The following LRRC53 variants were observed in gnomAD, a reference collection of about 807,000 sequenced individuals.
The protein encoded by LRRC53 is leucine rich repeat containing 53.
Under a neutral mutation model 13.6 loss-of-function variants are expected in LRRC53, and 25 were observed. The observed-to-expected ratio is 1.83, with a 90% CI of 1.34 to 2.56. The LOEUF is 2.56. LRRC53 is among the 30% of genes most tolerant of loss of function. The probability of loss-of-function intolerance (pLI) is 0.00; values close to 1 mark genes in which losing one functional copy is unlikely to be tolerated. For synonymous variants in LRRC53, 204 were observed against 109.8 expected, an observed-to-expected ratio of 1.86 and a Z score of -5.37; for missense variants, 527 against 275.8, an observed-to-expected ratio of 1.91 and a Z score of -6.45.
chr1:74,511,998 G>A (rs1311031083), intron 1 of LRRC53, among the ~76,000 whole-genome samples: 1 of 152,174 alleles, frequency 6.6e-6, no homozygotes, highest in African/African-American at 2.4e-5. Context: ...CAGTACCCAA[G>A]GAAAATCGGA....
At chr1:74,500,009 C>T (rs1005109031) in intron 1 of LRRC53, among the ~76,000 whole-genome samples, 2 of 151,750 alleles carry the variant, frequency 1.3e-5, no homozygotes, top group Non-Finnish European at 2.9e-5. Context: ...TGAATATGAG[C>T]TATATTTCTA....
the LRRC53 span, among the ~76,000 whole-genome samples, chr1:74,519,573 T>C: frequency 2.6e-5 from 4 of 152,178 alleles, 1 homozygote; most frequent in East Asian, 7.7e-4. Flanking sequence ...ATGATTGCCT[T>C]ACTTTAAAAG....
intron 1 of LRRC53, among the ~76,000 whole-genome samples, chr1:74,499,516 TAA>T (rs1323615347): frequency 6.6e-6 from 1 of 152,200 alleles, no homozygotes; most frequent in African/African-American, 2.4e-5. Context: ...GCCTAATTTA[TAA>T]GTTAAATTTT....
intron 4 of LRRC53, among the ~76,000 whole-genome samples, chr1:74,472,421 G>T (rs1050363981): frequency 1.3e-5 from 2 of 152,162 alleles, no homozygotes; most frequent in Admixed American, 1.3e-4. Flanking sequence ...CAGTTGCGAT[G>T]CTGACTTAAA....
intron 1 of LRRC53, among the ~76,000 whole-genome samples, chr1:74,497,885 C>T (rs116122259): frequency 1.8e-3 from 268 of 152,270 alleles, no homozygotes; most frequent in African/African-American, 5.6e-3. Flanking sequence ...CAGTGATACA[C>T]GTTTTCATCA....
intron 1 of LRRC53, among the ~76,000 whole-genome samples, chr1:74,486,519 T>G (rs1055384442): frequency 1.3e-5 from 2 of 150,694 alleles, no homozygotes; most frequent in African/African-American, 4.9e-5. Context: ...TTTTTTTTTT[T>G]TGCCTCTGCA....
At chr1:74,506,992 A>G (rs1030543379) in intron 1 of LRRC53, among the ~76,000 whole-genome samples, 2 of 152,190 alleles carry the variant, frequency 1.3e-5, no homozygotes, top group South Asian at 2.1e-4. Flanking sequence ...ATAATTTCAT[A>G]TCTGTAATAC....
intron 1 of LRRC53, among the ~76,000 whole-genome samples, chr1:74,502,582 A>G (rs1669687459): frequency 6.6e-6 from 1 of 152,192 alleles, no homozygotes; most frequent in Admixed American, 6.5e-5. Context: ...TTGGGCTTTG[A>G]AGAGAATCAG....
the LRRC53 span, among the ~76,000 whole-genome samples, chr1:74,524,669 C>CAGTAAAT: frequency 6.6e-6 from 1 of 151,316 alleles, no homozygotes; most frequent in South Asian, 2.1e-4. Context: ...GGAGATACAG[C>CAGTAAAT]AGCAAATAAA....
the LRRC53 span, among the ~76,000 whole-genome samples, chr1:74,524,234 AAG>A: frequency 6.6e-6 from 1 of 152,216 alleles, no homozygotes; most frequent in African/African-American, 2.4e-5. Flanking sequence ...AGGCATTCTG[AAG>A]AGTCTGTTGG....
intron 4 of LRRC53, among the ~76,000 whole-genome samples, chr1:74,474,358 A>G (rs1489367667): frequency 6.6e-6 from 1 of 152,180 alleles, no homozygotes; most frequent in Non-Finnish European, 1.5e-5. Flanking sequence ...CAACCCCCAG[A>G]CACTGGTAAG....
intron 1 of LRRC53, among the ~76,000 whole-genome samples, chr1:74,483,727 A>C (rs1394208695): frequency 6.6e-6 from 1 of 152,212 alleles, no homozygotes; most frequent in Non-Finnish European, 1.5e-5. Context: ...CTAAAGAAAC[A>C]GCTCAGGATG....
At chr1:74,472,936 A>C (rs140632408) in intron 4 of LRRC53, among the ~76,000 whole-genome samples, 250 of 152,142 alleles carry the variant, frequency 1.6e-3, no homozygotes, top group African/African-American at 5.7e-3. Flanking sequence ...TCATTTACTA[A>C]AGGAAAATAG....
the LRRC53 span, among the ~76,000 whole-genome samples, chr1:74,530,650 T>C: frequency 6.6e-6 from 1 of 152,010 alleles, no homozygotes; most frequent in African/African-American, 2.4e-5. Flanking sequence ...TCCTTCTTGG[T>C]AAGATGGTAG....
At chr1:74,498,716 T>G (rs1398939722) in intron 1 of LRRC53, among the ~76,000 whole-genome samples, 6 of 152,140 alleles carry the variant, frequency 3.9e-5, no homozygotes, top group Non-Finnish European at 8.8e-5. Flanking sequence ...ATTCCACTAC[T>G]TTTCCAGTCT....
chr1:74,501,235 C>T (rs935403807), intron 1 of LRRC53, among the ~76,000 whole-genome samples: 1 of 152,160 alleles, frequency 6.6e-6, no homozygotes, highest in Non-Finnish European at 1.5e-5. Context: ...CTTATTCTCT[C>T]AGAAGCTGGA....
chr1:74,534,747 T>G, the LRRC53 span, among the ~76,000 whole-genome samples: 1 of 152,178 alleles, frequency 6.6e-6, no homozygotes, highest in Non-Finnish European at 1.5e-5. Flanking sequence ...TATATAAGAA[T>G]TCTTGTTTAG....
the LRRC53 span, among the ~76,000 whole-genome samples, chr1:74,531,792 T>C: frequency 3.9e-5 from 6 of 152,230 alleles, no homozygotes; most frequent in African/African-American, 1.4e-4. Flanking sequence ...GATATTCCTC[T>C]TGAAGAAGGG....
chr1:74,472,322 A>T, intron 4 of LRRC53, 121 bp from the exon 5 acceptor site: 1 of 596,692 alleles, frequency 1.7e-6, no homozygotes, highest in Non-Finnish European at 3.0e-6. Context: ...GCAGTTCTTC[A>T]CTATTTCCTA....
Sources: gnomAD v4.1 joint callset for allele counts (sites outside exome capture counted in the v4.1 genomes callset) on GRCh38, gnomAD v4.1.1 for gene constraint, MANE v1.5 for transcripts, NCBI Gene and HGNC (gene_info 2026-07-23, HGNC 2026-07-21) for gene names.